The following CYRIA variants were observed in gnomAD, a reference collection of about 807,000 sequenced individuals.
The protein encoded by CYRIA is CYFIP related Rac1 interactor A.
CYRIA carries 15 observed loss-of-function variants against 43.9 expected under a neutral mutation model. The ratio of observed to expected loss-of-function variants is 0.34; its 90% confidence interval spans 0.23 to 0.53. The LOEUF (loss-of-function observed/expected upper bound fraction) is 0.53, where lower values mean the gene tolerates loss of function less well. CYRIA is among the 20% of genes least tolerant of loss of function. CYRIA has a pLI of 0.94. For missense variants in CYRIA, 236 were observed against 394.2 expected (o/e 0.60, Z 3.40); for synonymous variants, 117 against 136.0 (o/e 0.86, Z 0.97).
At chr2:16,664,091 C>T (rs1670329998) in intron 1 of CYRIA, among the ~76,000 whole-genome samples, 1 of 152,174 alleles carries the variant, frequency 6.6e-6, no homozygotes, top group Non-Finnish European at 1.5e-5. Flanking sequence ...GAAATAACAC[C>T]AGTGAGGTCC....
Position 16,615,584 on chromosome 2 carries a change from C to T in CYRIA, c.-11+8280G>A, listed in dbSNP as rs143185929. On this transcript the variant is annotated intron_variant, in intron 2 of 11. Transcript: ENST00000381323. ...CTACAACCAACACTGCCTCCACTCT[C>T]CCAGCCTGTTTCTTCACCTGCAAAT... Among the ~76,000 whole-genome samples, 167 of 152,338 alleles carry T rather than the reference C, an allele frequency of 1.1e-3. 1 individual carries two copies. The Middle Eastern group carries it at 0.041, about 37-fold the overall frequency.
intron 6 of CYRIA, among the ~76,000 whole-genome samples, 189 bp downstream of exon 6, chr2:16,561,816 C>A (rs1421496448): frequency 6.6e-6 from 1 of 152,130 alleles, no homozygotes; most frequent in Non-Finnish European, 1.5e-5. Context: ...TTTCCATATA[C>A]AAATCATCAT....
intron 2 of CYRIA, among the ~76,000 whole-genome samples, chr2:16,588,393 G>A (rs898774008): frequency 3.3e-5 from 5 of 150,606 alleles, no homozygotes; most frequent in African/African-American, 1.2e-4. Context: ...TCTCTCTCGA[G>A]AGAATACACC....
Position 16,562,096 on chromosome 2 carries a change from T to C in CYRIA, c.344A>G (p.Tyr115Cys), listed in dbSNP as rs775584664. The C allele has an allele frequency of 6.2e-6, 10 of 1,613,186 alleles. No homozygotes were observed. The East Asian group carries it at 8.9e-5, about 14-fold the overall frequency. The change falls in exon 6 of 12, where the codon TAC becomes TGC. Residue 115 changes from tyrosine to cysteine, a missense_variant. By Grantham distance (194) the Tyr-to-Cys change is radical (BLOSUM62 -2). Around this residue, in one of 3 missense-constraint regions of CYRIA, gnomAD observed 193 missense variants for 303.9 expected, o/e 0.64. Transcript: ENST00000381323. The part of the protein sequence containing the change: ...SLLESLTCPP[Y>C]TPTQHLEREQ... ...CCTTTCCAGGTGTTGGGTTGGTGTG[T>C]AGGGTGGACAAGTCAGAGATTCCAA...
intron 2 of CYRIA, among the ~76,000 whole-genome samples, chr2:16,606,229 T>C (rs1019352431): frequency 6.6e-6 from 1 of 152,156 alleles, no homozygotes; most frequent in Non-Finnish European, 1.5e-5. Context: ...AAAAGCATTA[T>C]TATCCTCCCA....
At chr2:16,558,165 C>T (rs1434671676) in intron 10 of CYRIA, among the ~76,000 whole-genome samples, 1 of 151,766 alleles carries the variant, frequency 6.6e-6, no homozygotes, top group South Asian at 2.1e-4. Flanking sequence ...GAGGTTATTA[C>T]AGGATATATT....
chr2:16,630,511 G>A (rs1412391962), intron 1 of CYRIA, among the ~76,000 whole-genome samples: 2 of 152,122 alleles, frequency 1.3e-5, no homozygotes, highest in African/African-American at 4.8e-5. Context: ...ACACCTGAAT[G>A]GCCATTAAGG....
chr2:16,557,712 T>C (rs912101076), intron 10 of CYRIA, among the ~76,000 whole-genome samples: 54 of 152,146 alleles, frequency 3.5e-4, no homozygotes, highest in African/African-American at 1.3e-3. Flanking sequence ...CATGATATAC[T>C]GTTTACAGCC....
At chr2:16,611,762 C>T (rs1023899713) in intron 2 of CYRIA, among the ~76,000 whole-genome samples, 3 of 92,312 alleles carry the variant, frequency 3.2e-5, no homozygotes, top group Admixed American at 1.2e-4. Flanking sequence ...ACGTACTGGG[C>T]GGAGGGGCGG....
At chr2:16,604,325 C>A (rs553309680) in intron 2 of CYRIA, among the ~76,000 whole-genome samples, 7 of 152,330 alleles carry the variant, frequency 4.6e-5, no homozygotes, top group South Asian at 2.1e-4. Flanking sequence ...GCAGCCAGGG[C>A]GGCCACTGTT....
intron 3 of CYRIA, among the ~76,000 whole-genome samples, chr2:16,566,994 C>T (rs1558404962): frequency 1.3e-5 from 2 of 152,132 alleles, no homozygotes; most frequent in Non-Finnish European, 2.9e-5. Context: ...AGGGTGAAGG[C>T]CGAGTTTACA....
At chr2:16,638,815 T>C (rs1239805699) in intron 1 of CYRIA, among the ~76,000 whole-genome samples, 7 of 140,452 alleles carry the variant, frequency 5.0e-5, no homozygotes, top group African/African-American at 1.9e-4. Flanking sequence ...TCTGTATCTA[T>C]GTAATATCAC....
intron 1 of CYRIA, among the ~76,000 whole-genome samples, chr2:16,635,313 C>A (rs1454571946): frequency 1.3e-5 from 2 of 152,060 alleles, no homozygotes; most frequent in Non-Finnish European, 2.9e-5. Flanking sequence ...TCACAGTAGC[C>A]CACTGAAATA....
At chr2:16,630,483 C>T (rs1350324278) in intron 1 of CYRIA, among the ~76,000 whole-genome samples, 1 of 152,168 alleles carries the variant, frequency 6.6e-6, no homozygotes, top group Non-Finnish European at 1.5e-5. Flanking sequence ...AGTTTAACAT[C>T]TCTCTGTGGT....
intron 1 of CYRIA, among the ~76,000 whole-genome samples, chr2:16,657,723 A>T (rs1183696309): frequency 1.3e-5 from 2 of 152,256 alleles, no homozygotes; most frequent in East Asian, 3.9e-4. Context: ...CTTTGCTCAG[A>T]TGTGCTTCCA....
chr2:16,628,704 C>T (rs773074103), intron 1 of CYRIA, among the ~76,000 whole-genome samples: 1 of 152,158 alleles, frequency 6.6e-6, no homozygotes, highest in African/African-American at 2.4e-5. Context: ...TGCAGTCACC[C>T]GAATACAATC....
intron 11 of CYRIA, among the ~76,000 whole-genome samples, 186 bp downstream of exon 11, chr2:16,554,883 A>AT (rs530178561): frequency 8.5e-4 from 130 of 152,088 alleles, no homozygotes; most frequent in Non-Finnish European, 1.5e-3. Flanking sequence ...CTTAAATCTC[A>AT]TTTTTTTTCC....
intron 2 of CYRIA, among the ~76,000 whole-genome samples, chr2:16,607,606 T>G (rs1383836252): frequency 6.6e-6 from 1 of 152,118 alleles, no homozygotes; most frequent in African/African-American, 2.4e-5. Context: ...TTTTCTTTTT[T>G]TTAGATGGAG....
At chr2:16,631,825 T>C (rs561376478) in intron 1 of CYRIA, among the ~76,000 whole-genome samples, 2 of 152,176 alleles carry the variant, frequency 1.3e-5, no homozygotes, top group Non-Finnish European at 2.9e-5. Flanking sequence ...TAAGCAATGG[T>C]ACCATGGCCA....
Sources: gnomAD v4.1 joint callset for allele counts (sites outside exome capture counted in the v4.1 genomes callset) on GRCh38, gnomAD v4.1.1 for gene constraint, gnomAD v4.1.1 regional missense constraint, MANE v1.5 for transcripts, NCBI Gene and HGNC (gene_info 2026-07-23, HGNC 2026-07-21) for gene names.